Variants in FOXP4 observed in about 807,000 individuals in gnomAD.
FOXP4 encodes the protein forkhead box P4.
Under a neutral mutation model 82.6 loss-of-function variants are expected in FOXP4, and 25 were observed. That is an observed-to-expected ratio of 0.30 (90% CI 0.22 to 0.42). The LOEUF (loss-of-function observed/expected upper bound fraction) is 0.42. FOXP4 is among the 10% of genes least tolerant of loss of function. The pLI, the probability that FOXP4 is intolerant of heterozygous loss-of-function variation, is 1.00. For missense variants in FOXP4, 785 were observed against 900.9 expected, an observed-to-expected ratio of 0.87 and a Z score of 1.65; for synonymous variants, 415 against 388.2, an observed-to-expected ratio of 1.07 and a Z score of -0.81.
Position 41,548,085 on chromosome 6 carries a change from G to A in FOXP4, c.-17+1218G>A, listed in dbSNP as rs554039442. 8.7e-4 allele frequency among the ~76,000 whole-genome samples: 132 copies of A among 152,338 alleles called. 1 individual carries two copies. The highest frequency in any genetic ancestry group is 2.4e-3 in the African/African-American group (101 of 41,582). ...ACCCCGATCCTAGGTTGGGGGGAAA[G>A]GGTATGGGAACCCTGAGCCCAGAGC... On this transcript the variant is annotated intron_variant, in intron 1 of 16. Transcript: ENST00000307972.
intron 2 of FOXP4, 125 bp from the exon 3 acceptor site, chr6:41,577,861 C>T (rs1041842834): frequency 3.1e-6 from 2 of 646,610 alleles, no homozygotes; most frequent in African/African-American, 3.6e-5. Flanking sequence ...GGACCCATGA[C>T]CCTCTCACCC....
chr6:41,574,610 T>C (rs1765372771), intron 2 of FOXP4, among the ~76,000 whole-genome samples: 1 of 152,142 alleles, frequency 6.6e-6, no homozygotes. Context: ...CATCTGTGCT[T>C]TCAAGGAGGC....
At chr6:41,579,219 G>GA (rs570175098) in intron 3 of FOXP4, among the ~76,000 whole-genome samples, 30 of 152,274 alleles carry the variant, frequency 2.0e-4, no homozygotes, top group African/African-American at 7.0e-4. Flanking sequence ...CCTCAAAGGG[G>GA]AGGAGCTGGG....
chr6:41,590,848 G>C (rs764072720), intron 12 of FOXP4, among the ~76,000 whole-genome samples: 3 of 152,126 alleles, frequency 2.0e-5, no homozygotes, highest in African/African-American at 4.8e-5. Context: ...CCAAAATCAG[G>C]ATAAATTCCA....
At chr6:41,569,334 G>A (rs1044739615) in intron 2 of FOXP4, among the ~76,000 whole-genome samples, 4 of 152,320 alleles carry the variant, frequency 2.6e-5, no homozygotes, top group South Asian at 4.1e-4. Context: ...AGACACACCC[G>A]TGGCCCATCC....
At chr6:41,563,781 C>T (rs1764723727) in intron 1 of FOXP4, among the ~76,000 whole-genome samples, 2 of 152,182 alleles carry the variant, frequency 1.3e-5, no homozygotes, top group Non-Finnish European at 1.5e-5. Flanking sequence ...TCTCTTTATC[C>T]GCAGGTTCCA....
chr6:41,579,874 G>A (rs1004771010), intron 3 of FOXP4, among the ~76,000 whole-genome samples: 3 of 152,118 alleles, frequency 2.0e-5, no homozygotes, highest in Non-Finnish European at 2.9e-5. Context: ...GACACTAAGC[G>A]CTTTACAGCT....
chr6:41,569,660 C>G (rs1765071360), intron 2 of FOXP4, among the ~76,000 whole-genome samples: 1 of 152,168 alleles, frequency 6.6e-6, no homozygotes, highest in Non-Finnish European at 1.5e-5. Flanking sequence ...GCAGGCAGAG[C>G]CGCTGGCGGC....
chr6:41,555,730 C>T (rs900674607), intron 1 of FOXP4, among the ~76,000 whole-genome samples: 8 of 152,182 alleles, frequency 5.3e-5, no homozygotes, highest in Admixed American at 1.3e-4. Flanking sequence ...TTCCCAGCTC[C>T]GAATCAATGG....
At chr6:41,597,994 A>G in intron 16 of FOXP4, 44 bp downstream of exon 16, 1 of 1,374,342 alleles carries the variant, frequency 7.3e-7, no homozygotes, top group Non-Finnish European at 9.5e-7. Context: ...GCACCCCTCA[A>G]CCACCAGGGA....
At position 41,564,843 on chromosome 6, in the gene FOXP4, G is replaced by C. The variant is rs186384320; in HGVS notation, c.-16-902G>C. The stretch of plus-strand genomic sequence containing the variant: ...TTCCTTCACTGCACACCTCCATGAC[G>C]AAGCCCAGTGTCTGGCTCCCAGTAG... On this transcript the variant is annotated intron_variant, in intron 1 of 16. Transcript: ENST00000307972. Among the ~76,000 whole-genome samples, 6 of 152,186 alleles carry C rather than the reference G, an allele frequency of 3.9e-5. No individual in the cohort carries two copies. The South Asian group carries it at 1.2e-3, about 32-fold the overall frequency.
Position 41,587,105 on chromosome 6 carries a change from G to C in FOXP4, c.607G>C (p.Val203Leu). Residue 203 changes from valine (V) to leucine (L), a missense_variant, in exon 6 of 17, where the codon GTC (valine) becomes CTC (leucine). Val to Leu is a conservative substitution (Grantham distance 32, BLOSUM62 1). Transcript: ENST00000307972. ...GCTCAACCTGCAGAGGCAGGGGCTG[G>C]TCAGCCTGCAGCCCAACCAAGCCTC... ...HLLNLQRQGL[V>L]SLQPNQASGP... 2 of 1,609,110 alleles carry C rather than the reference G, an allele frequency of 1.2e-6. No individual in the cohort carries two copies. The highest frequency in any genetic ancestry group is 1.7e-6 in the Non-Finnish European group (2 of 1,177,256).
rs1767087648 is a variant in FOXP4, at chr6:41,599,430, C to T, written c.*494C>T. On this transcript the variant is annotated 3_prime_UTR_variant, in exon 17 of 17. Coordinates refer to ENST00000307972, the MANE Select transcript of FOXP4 (RefSeq NM_001012426.2). ...TCCGTACTGTGAAGAAAGAACTCTC[C>T]ACCCCAGCTCCCACCCTGCCCTGGC... 1 of 155,302 alleles carries T rather than the reference C, an allele frequency of 6.4e-6. No individual in the cohort carries two copies. The highest frequency in any genetic ancestry group is 1.4e-5 in the Non-Finnish European group (1 of 69,738). 9.6% of individuals were successfully genotyped at this position (155,302 alleles called of 1,614,324 possible).
At chr6:41,577,931 C>G in intron 2 of FOXP4, 55 bp from the exon 3 acceptor site, 1 of 1,361,088 alleles carries the variant, frequency 7.3e-7, no homozygotes. Flanking sequence ...ACTCCCTAAT[C>G]CCTGGATCCC....
At position 41,600,540 on chromosome 6, in the gene FOXP4, G is replaced by GT. The variant is rs1341998643; in HGVS notation, c.*1604_*1605insT. The GT allele has an allele frequency of 6.6e-6, 1 of 152,478 alleles. No homozygotes were observed. The highest frequency in any genetic ancestry group is 6.5e-5 in the Admixed American group (1 of 15,284). 9.4% of individuals were successfully genotyped at this position (152,478 alleles called of 1,614,324 possible). A position where few individuals can be genotyped will look rare whatever the true frequency, so the allele number is the denominator to read the frequency against. ...CACAAGCCACCCCTCCTGAGAGGCA[G>GT]GGGGCCCTCCGCCCCCTCCCCATGT... On this transcript the variant is annotated 3_prime_UTR_variant, in exon 17 of 17. Transcript: ENST00000307972.
chr6:41,564,774 A>T (rs552497290), intron 1 of FOXP4, among the ~76,000 whole-genome samples: 1 of 151,860 alleles, frequency 6.6e-6, no homozygotes, highest in East Asian at 1.9e-4. Context: ...ACCAGGTGCT[A>T]GGCTGAGGGC....
chr6:41,571,735 C>T (rs544766874), intron 2 of FOXP4, among the ~76,000 whole-genome samples: 5 of 152,100 alleles, frequency 3.3e-5, no homozygotes, highest in Admixed American at 6.5e-5. Context: ...GTCTCCTCTC[C>T]CCACCTTCCT....
rs1190026522 is a variant in FOXP4 at position 41,591,888 on chromosome 6, T to C, written c.1536+566T>C. Among the ~76,000 whole-genome samples the C allele has an allele frequency of 6.6e-6, 1 of 152,136 alleles. No individual in the cohort carries two copies. Among genetic ancestry groups the C allele is most frequent in the East Asian group, 1.9e-4 (1 of 5,186 alleles). On this transcript the variant is annotated intron_variant, in intron 13 of 16. Coordinates refer to ENST00000307972, the MANE Select transcript of FOXP4 (RefSeq NM_001012426.2). The surrounding 1 kb of genome is among the most constrained non-coding windows in gnomAD (Gnocchi z 4.2). ...TTAGTCATTTCAACACCTTCAGCCA[T>C]AAGTTTTCCTGGGAGAGCAGAAGCA...
At chr6:41,551,807 G>A (rs377442007) in intron 1 of FOXP4, among the ~76,000 whole-genome samples, 20 of 152,308 alleles carry the variant, frequency 1.3e-4, no homozygotes, top group African/African-American at 4.1e-4. Flanking sequence ...TGGAGCCAGG[G>A]ACTCAGTAGT....
Sources: allele counts gnomAD v4.1 joint callset (sites outside exome capture counted in the v4.1 genomes callset), GRCh38; gene constraint gnomAD v4.1.1; non-coding constraint Gnocchi (gnomAD v3.1); transcripts MANE v1.5; gene names NCBI Gene and HGNC (gene_info 2026-07-23, HGNC 2026-07-21).